Variants in WWOX observed in about 807,000 individuals in gnomAD.
The protein encoded by WWOX is WW domain-containing oxidoreductase.
A neutral mutation model predicts 46.2 loss-of-function variants in WWOX; 69 were observed. The ratio of observed to expected loss-of-function variants is 1.49; its 90% CI spans 1.23 to 1.82. The LOEUF (loss-of-function observed/expected upper bound fraction) is 1.82, where lower values mean the gene tolerates loss of function less well. WWOX is among the 40% of genes most tolerant of loss of function. WWOX has a pLI of 0.00. For missense variants in WWOX, 919 were observed against 542.6 expected (o/e 1.69, Z -6.89); for synonymous variants, 359 against 202.6 (o/e 1.77, Z -6.56).
rs766294553 is a variant in WWOX at position 78,611,121 on chromosome 16, G to A, written c.1056+178369G>A. Among the ~76,000 whole-genome samples the A allele has an allele frequency of 2.6e-5, 4 of 152,124 alleles. No individual in the cohort carries two copies. The East Asian group carries it at 7.7e-4, about 29-fold the overall frequency. ...GGTCACCAAAGCATAATGACAAGTT[G>A]TTCATCATTTAATTAGAGATTTGCT... On this transcript the variant is annotated intron_variant, in intron 8 of 8. Transcript: ENST00000566780.
At chr16:78,867,897 T>A (rs2044041752) in intron 8 of WWOX, among the ~76,000 whole-genome samples, 1 of 152,128 alleles carries the variant, frequency 6.6e-6, no homozygotes, top group Non-Finnish European at 1.5e-5. Flanking sequence ...CCAAGAGTTG[T>A]GAAAATGTGG....
At chr16:78,354,205 C>T (rs1025820046) in intron 5 of WWOX, among the ~76,000 whole-genome samples, 12 of 151,902 alleles carry the variant, frequency 7.9e-5, no homozygotes, top group East Asian at 3.9e-4. Context: ...TGTTTGGAAA[C>T]GTTTGCTGGT....
chr16:79,135,998 C>T (rs1182894756), intron 8 of WWOX, among the ~76,000 whole-genome samples: 1 of 152,074 alleles, frequency 6.6e-6, no homozygotes. Flanking sequence ...TAATGTTTGT[C>T]GTTTGTTTGC....
At chr16:78,578,413 C>G (rs905742956) in intron 8 of WWOX, among the ~76,000 whole-genome samples, 5 of 149,128 alleles carry the variant, frequency 3.4e-5, no homozygotes, top group African/African-American at 1.2e-4. Flanking sequence ...CCTCAGCCTC[C>G]TGAGTAGCTG....
chr16:78,850,366 C>G (rs1161842137), intron 8 of WWOX, among the ~76,000 whole-genome samples: 2 of 152,088 alleles, frequency 1.3e-5, no homozygotes, highest in Admixed American at 1.3e-4. Context: ...TTTCACTTAA[C>G]ATTATAGCAC....
intron 8 of WWOX, among the ~76,000 whole-genome samples, chr16:78,702,009 A>T (rs1362087682): frequency 7.8e-5 from 3 of 38,666 alleles, no homozygotes; most frequent in Admixed American, 4.1e-4. Flanking sequence ...ACATAAAATT[A>T]TATATATATA....
chr16:78,559,891 T>A (rs2044393006), intron 8 of WWOX, among the ~76,000 whole-genome samples: 4 of 152,240 alleles, frequency 2.6e-5, no homozygotes, highest in African/African-American at 9.6e-5. Flanking sequence ...CCTCAATTTA[T>A]GACTTGGCTT....
chr16:78,355,846 T>C (rs1279291829), intron 5 of WWOX: 5 of 667,662 alleles, frequency 7.5e-6, no homozygotes, highest in Non-Finnish European at 8.0e-6. Context: ...ACAAAGAATT[T>C]GTCCTGTACG....
intron 8 of WWOX, among the ~76,000 whole-genome samples, chr16:78,947,581 C>T (rs2045974275): frequency 6.6e-6 from 1 of 152,164 alleles, no homozygotes; most frequent in Admixed American, 6.6e-5. Context: ...TCAGGGATGG[C>T]CCTTGATAAG....
intron 8 of WWOX, among the ~76,000 whole-genome samples, chr16:79,149,211 A>G (rs2150729358): frequency 6.6e-6 from 1 of 152,296 alleles, no homozygotes; most frequent in East Asian, 1.9e-4. Context: ...ATTCTTCTCA[A>G]TTCCTAAATT....
At chr16:79,115,497 T>G (rs1283317795) in intron 8 of WWOX, among the ~76,000 whole-genome samples, 3 of 152,134 alleles carry the variant, frequency 2.0e-5, no homozygotes, top group East Asian at 3.9e-4. Flanking sequence ...CTTTGAGCCT[T>G]TTAGCAGCTG....
intron 8 of WWOX, among the ~76,000 whole-genome samples, chr16:78,959,069 C>G (rs937573225): frequency 1.3e-5 from 2 of 152,264 alleles, no homozygotes; most frequent in Non-Finnish European, 1.5e-5. Context: ...AAATGCTTGT[C>G]TACCCACTTT....
chr16:79,179,489 A>G (rs2050867408), intron 8 of WWOX, among the ~76,000 whole-genome samples: 1 of 152,212 alleles, frequency 6.6e-6, no homozygotes, highest in Non-Finnish European at 1.5e-5. Flanking sequence ...GAAAACCTGC[A>G]AACATGCAAT....
chr16:78,111,705 C>T (rs11150042), intron 3 of WWOX: 65,741 of 154,932 alleles, frequency 0.42, 15,189 homozygotes, highest in East Asian at 0.63. Flanking sequence ...TCAATGGTCA[C>T]GTACGTTGTC....
intron 8 of WWOX, among the ~76,000 whole-genome samples, chr16:79,074,582 A>C (rs991732762): frequency 1.3e-5 from 2 of 151,844 alleles, no homozygotes; most frequent in Admixed American, 6.6e-5. Flanking sequence ...GTAGCATTCT[A>C]CACTTAAGTA....
chr16:78,320,287 C>G (rs758306363), intron 5 of WWOX, among the ~76,000 whole-genome samples: 4 of 152,164 alleles, frequency 2.6e-5, no homozygotes, highest in African/African-American at 4.8e-5. Context: ...ATTTTACCTG[C>G]ATTTACTCAA....
intron 8 of WWOX, among the ~76,000 whole-genome samples, chr16:78,731,927 A>G (rs1275761667): frequency 7.0e-6 from 1 of 142,458 alleles, no homozygotes; most frequent in Non-Finnish European, 1.5e-5. Context: ...AGCTCTTTGC[A>G]GCCTTGAACT....
intron 8 of WWOX, among the ~76,000 whole-genome samples, chr16:79,036,593 A>ATCTG (rs1388963264): frequency 1.3e-5 from 2 of 152,186 alleles, no homozygotes; most frequent in Non-Finnish European, 2.9e-5. Flanking sequence ...GAGATGAATG[A>ATCTG]TCTGTCCTTC....
At chr16:78,588,407 C>G (rs145588545) in intron 8 of WWOX, among the ~76,000 whole-genome samples, 24 of 152,254 alleles carry the variant, frequency 1.6e-4, no homozygotes, top group African/African-American at 3.9e-4. Flanking sequence ...TGGGGCTACT[C>G]TGTACTCAGA....
Sources: allele counts gnomAD v4.1 joint callset (sites outside exome capture counted in the v4.1 genomes callset), GRCh38; gene constraint gnomAD v4.1.1; transcripts MANE v1.5; gene names NCBI Gene and HGNC (gene_info 2026-07-23, HGNC 2026-07-21).